Variants in ZMAT4 observed in about 807,000 individuals in gnomAD.
ZMAT4 encodes zinc finger matrin-type protein 4.
A neutral mutation model predicts 28.7 loss-of-function variants in ZMAT4; 17 were observed. The ratio of observed to expected loss-of-function variants is 0.59; its 90% CI spans 0.41 to 0.89. The LOEUF (loss-of-function observed/expected upper bound fraction) is 0.89. ZMAT4 is among the 40% of genes least tolerant of loss of function. ZMAT4 has a pLI of 0.00. For missense variants in ZMAT4, 240 were observed against 283.8 expected (o/e 0.85, Z 1.11); for synonymous variants, 117 against 109.2 (o/e 1.07, Z -0.44).
intron 5 of ZMAT4, among the ~76,000 whole-genome samples, chr8:40,659,369 T>C (rs1563394021): frequency 6.6e-6 from 1 of 152,158 alleles, no homozygotes; most frequent in Admixed American, 6.5e-5. Context: ...AAGTTCCTCA[T>C]ATGTTGTTTT....
At chr8:40,893,728 C>T (rs910698851) in intron 1 of ZMAT4, among the ~76,000 whole-genome samples, 6 of 152,096 alleles carry the variant, frequency 3.9e-5, no homozygotes, top group Non-Finnish European at 5.9e-5. Context: ...ATAAATTACA[C>T]GTGGCAGGGG....
At chr8:40,708,682 G>T (rs1231132721) in intron 3 of ZMAT4, among the ~76,000 whole-genome samples, 3 of 127,064 alleles carry the variant, frequency 2.4e-5, no homozygotes, top group East Asian at 2.2e-4. Flanking sequence ...GTCTTGCTCT[G>T]TCACCCATGC....
At chr8:40,620,271 G>T (rs567133995) in intron 5 of ZMAT4, among the ~76,000 whole-genome samples, 2 of 152,344 alleles carry the variant, frequency 1.3e-5, no homozygotes, top group South Asian at 2.1e-4. Flanking sequence ...AGAAATAAAA[G>T]TATGGGCATT....
chr8:40,888,784 GC>G (rs1447125974), intron 1 of ZMAT4, among the ~76,000 whole-genome samples: 2 of 152,252 alleles, frequency 1.3e-5, no homozygotes, highest in African/African-American at 4.8e-5. Flanking sequence ...CCTCGGGGGG[GC>G]CCGCAGTACC....
chr8:40,554,066 T>C (rs980222801), intron 6 of ZMAT4, among the ~76,000 whole-genome samples: 7 of 152,144 alleles, frequency 4.6e-5, no homozygotes, highest in African/African-American at 1.4e-4. Context: ...TCATATCATA[T>C]CATAGCATAT....
chr8:40,735,580 G>A (rs1292919823), intron 3 of ZMAT4, among the ~76,000 whole-genome samples: 1 of 152,160 alleles, frequency 6.6e-6, no homozygotes, highest in Non-Finnish European at 1.5e-5. Flanking sequence ...TTGAGAGCTG[G>A]TTTCAGGAAT....
At position 40,746,354 on chromosome 8, in the gene ZMAT4, C is replaced by CCTTTCCTTTCCTTTCCTTT. The variant is rs1812232048; in HGVS notation, c.192+21286_192+21287insAAAGGAAAGGAAAGGAAAG. Among the ~76,000 whole-genome samples, 3 of 17,482 alleles carry CCTTTCCTTTCCTTTCCTTT rather than the reference C, an allele frequency of 1.7e-4. 1 individual carries two copies. The highest frequency in any genetic ancestry group is 4.4e-4 in the Non-Finnish European group (2 of 4,514). The allele number at this position is 17,482 out of a possible 152,430, so 11.5% of individuals were successfully genotyped here. A position where few individuals can be genotyped will look rare whatever the true frequency, so the allele number is the denominator to read the frequency against. ...TCCTTTCCTTTCCTTTCCTTTCCTT[C>CCTTTCCTTTCCTTTCCTTT]CCTTTCTTTCCTTTCTTTCTCTTTT... On this transcript the variant is annotated intron_variant, in intron 3 of 6. Transcript: ENST00000297737.
At chr8:40,648,494 C>T (rs1253614398) in intron 5 of ZMAT4, among the ~76,000 whole-genome samples, 1 of 151,114 alleles carries the variant, frequency 6.6e-6, no homozygotes, top group Admixed American at 6.6e-5. Context: ...AGTTGGAAAA[C>T]ACGCTGCAGG....
intron 3 of ZMAT4, among the ~76,000 whole-genome samples, chr8:40,756,440 A>G (rs1466778848): frequency 8.1e-6 from 1 of 123,636 alleles, no homozygotes; most frequent in Non-Finnish European, 1.7e-5. Context: ...ATATATATAT[A>G]TATATATATA....
At chr8:40,770,549 A>ATTT (rs60467361) in intron 2 of ZMAT4, among the ~76,000 whole-genome samples, 1,544 of 117,700 alleles carry the variant, frequency 0.013, 56 homozygotes, top group Middle Eastern at 0.049. Context: ...TTTCTCTCTC[A>ATTT]TTTTTTTTTT....
At chr8:40,750,917 TATTCAA>T (rs1335741546) in intron 3 of ZMAT4, among the ~76,000 whole-genome samples, 1 of 152,234 alleles carries the variant, frequency 6.6e-6, no homozygotes, top group Non-Finnish European at 1.5e-5. Context: ...AGAATTCTTT[TATTCAA>T]ACTACCCTAA....
At chr8:40,825,430 G>T (rs574899560) in intron 2 of ZMAT4, 145 bp downstream of exon 2, 10 of 633,846 alleles carry the variant, frequency 1.6e-5, no homozygotes, top group South Asian at 1.5e-4. Context: ...ACTTGTCCTG[G>T]CCTTGACCTC....
At chr8:40,799,467 A>AT (rs1289296353) in intron 2 of ZMAT4, among the ~76,000 whole-genome samples, 1 of 152,220 alleles carries the variant, frequency 6.6e-6, no homozygotes, top group Non-Finnish European at 1.5e-5. Flanking sequence ...TTTATTCCAA[A>AT]TTTAAAGATT....
chr8:40,822,242 A>G (rs1257603780), intron 2 of ZMAT4, among the ~76,000 whole-genome samples: 2 of 152,218 alleles, frequency 1.3e-5, no homozygotes, highest in African/African-American at 4.8e-5. Flanking sequence ...TGAGCTTCTC[A>G]GGGACAAGGA....
chr8:40,718,701 C>A (rs1383215100), intron 3 of ZMAT4, among the ~76,000 whole-genome samples: 4 of 152,056 alleles, frequency 2.6e-5, no homozygotes, highest in Non-Finnish European at 5.9e-5. Context: ...GACAGAGACA[C>A]ACACAGAGAG....
chr8:40,717,318 GT>G (rs1465695514), intron 3 of ZMAT4, among the ~76,000 whole-genome samples: 1 of 152,138 alleles, frequency 6.6e-6, no homozygotes. Flanking sequence ...GCTTTTCTGT[GT>G]TAGTTCCATC....
intron 5 of ZMAT4, among the ~76,000 whole-genome samples, chr8:40,626,956 T>A (rs1413118915): frequency 6.6e-6 from 1 of 152,200 alleles, no homozygotes; most frequent in Non-Finnish European, 1.5e-5. Flanking sequence ...TTAGGACATA[T>A]GACTCTAAAG....
intron 5 of ZMAT4, among the ~76,000 whole-genome samples, chr8:40,624,321 G>A (rs1806298481): frequency 6.6e-6 from 1 of 152,182 alleles, no homozygotes; most frequent in African/African-American, 2.4e-5. Flanking sequence ...TCAGCGAGAG[G>A]GCAGTGGTCT....
intron 2 of ZMAT4, among the ~76,000 whole-genome samples, chr8:40,784,270 G>T (rs34196693): frequency 0.17 from 25,112 of 152,052 alleles, 2,580 homozygotes; most frequent in Middle Eastern, 0.24. Context: ...AGCACAACAT[G>T]AAAAAATCAA....
Sources: allele counts gnomAD v4.1 joint callset (sites outside exome capture counted in the v4.1 genomes callset), GRCh38; gene constraint gnomAD v4.1.1; transcripts MANE v1.5; gene names NCBI Gene and HGNC (gene_info 2026-07-23, HGNC 2026-07-21).